Variants in ZNF10 observed in about 807,000 individuals in gnomAD.
ZNF10 encodes the protein zinc finger protein 10 (KOX 1).
A neutral mutation model predicts 12.2 loss-of-function variants in ZNF10; 8 were observed. That is an observed-to-expected ratio of 0.66 (90% confidence interval 0.39 to 1.18). The LOEUF is 1.18. Among genes scored for constraint, ZNF10 ranks in the 50% most tolerant of loss-of-function variants. The pLI, the probability that ZNF10 is intolerant of heterozygous loss-of-function variation, is 0.01. For missense variants in ZNF10, 603 were observed against 678.9 expected, an observed-to-expected ratio of 0.89 and a Z score of 1.24; for synonymous variants, 229 against 228.2, an observed-to-expected ratio of 1.00 and a Z score of -0.03.
At chr12:133,138,776 ACTC>A (rs1955927594) in intron 1 of ZNF10, among the ~76,000 whole-genome samples, 1 of 152,084 alleles carries the variant, frequency 6.6e-6, no homozygotes, top group African/African-American at 2.4e-5. Flanking sequence ...AATGGCTACT[ACTC>A]TGTTCTTAGC....
intron 1 of ZNF10, among the ~76,000 whole-genome samples, chr12:133,142,724 G>A (rs1171615284): frequency 2.0e-5 from 3 of 152,130 alleles, no homozygotes; most frequent in African/African-American, 7.2e-5. Context: ...AGAGAAATTA[G>A]AATATGCATA....
At chr12:133,147,608 GTT>G (rs149592494) in intron 2 of ZNF10, among the ~76,000 whole-genome samples, 4 of 117,098 alleles carry the variant, frequency 3.4e-5, no homozygotes, top group Admixed American at 9.2e-5. Context: ...TGTTTTCTGA[GTT>G]TTTTTTTTTT....
In ZNF10 at chr12:133,151,855, A is replaced by G. The variant is rs368710008; in HGVS notation, c.207A>G (p.Gly69=). The G allele has an allele frequency of 1.2e-5, 19 of 1,613,444 alleles. No individual in the cohort carries two copies. The highest frequency in any genetic ancestry group is 1.5e-5 in the Non-Finnish European group (18 of 1,179,688). Residue 69 remains glycine, a synonymous_variant, in exon 4 of 5, where the codon GGA becomes GGG. Transcript: ENST00000248211. ...ATGTGATCCTCCGGTTGGAGAAGGG[A>G]GAAGAGCCCTGGCTGGTGGAGAGAG... is the stretch of plus-strand genomic sequence containing the variant. ...KPDVILRLEK[G]EEPWLVEREI... is the part of the protein sequence containing the mutation.
intron 1 of ZNF10, among the ~76,000 whole-genome samples, chr12:133,136,191 C>A (rs775118486): frequency 6.6e-6 from 1 of 152,042 alleles, no homozygotes; most frequent in Non-Finnish European, 1.5e-5. Context: ...ATCCTTCCCC[C>A]CTTCTCTCTC....
rs772119707 is a variant in ZNF10 at position 133,156,325 on chromosome 12, A to G, written c.1079A>G (p.His360Arg). The G allele has an allele frequency of 1.9e-6, 3 of 1,614,144 alleles. No individual in the cohort carries two copies. Among genetic ancestry groups the G allele is most frequent in the South Asian group, 1.1e-5 (1 of 91,080 alleles). The change falls in exon 5 of 5, where the codon CAT becomes CGT. Residue 360 changes from histidine (H) to arginine (R), a missense_variant. Transcript: ENST00000248211. ...AATCAGTGTGGGAAATCTTTTGTTC[A>G]TAGCTCTAGGCTTATTAGACACCAG... ...TCNQCGKSFV[H>R]SSRLIRHQRT...
At chr12:133,142,925 C>G (rs1955954770) in intron 1 of ZNF10, among the ~76,000 whole-genome samples, 1 of 151,932 alleles carries the variant, frequency 6.6e-6, no homozygotes, top group Non-Finnish European at 1.5e-5. Context: ...TTCATAATAA[C>G]CAAAAGATGG....
Position 133,156,599 on chromosome 12 carries a change from TC to T in ZNF10, c.1354del (p.Gln452LysfsTer82). On this transcript the variant is annotated frameshift_variant, in exon 5 of 5. Coordinates refer to ENST00000248211, the MANE Select transcript of ZNF10 (RefSeq NM_015394.5). LOFTEE classifies it low-confidence loss of function (END_TRUNC). ...GTCGAAGCTCTCACCTTTATTCACA[TC>T]AAAGAACCCACACTGGAGAGAAACC... ...FSRSSHLYSHQRTHTGEKPYE... is the reference protein window; with the variant it reads ...FSRSSHLYSHXRTHTGEKPYE... The T allele has an allele frequency of 6.2e-7, 1 of 1,613,864 alleles. No individual in the cohort carries two copies. Among genetic ancestry groups the T allele is most frequent in the Non-Finnish European group, 8.5e-7 (1 of 1,179,970 alleles).
intron 2 of ZNF10, among the ~76,000 whole-genome samples, chr12:133,149,986 A>G (rs967564864): frequency 6.6e-6 from 1 of 152,196 alleles, no homozygotes; most frequent in African/African-American, 2.4e-5. Flanking sequence ...TAGAAGCCTT[A>G]CAACATGTGG....
chr12:133,155,752 A>G lies in ZNF10; in HGVS notation c.506A>G (p.Tyr169Cys). 1 of 1,612,980 alleles carries G rather than the reference A, an allele frequency of 6.2e-7. No homozygotes were observed. Among genetic ancestry groups the G allele is most frequent in the South Asian group, 1.1e-5 (1 of 90,798 alleles). ...GAGAGAGTCTCTGAAAGTGGTAAAT[A>G]TGGGGGAAACTGTCTTCTTCCTGCT... The part of the protein sequence containing the change: ...TQERVSESGK[Y>C]GGNCLLPAQL... The change falls in exon 5 of 5, where the codon TAT becomes TGT. Residue 169 changes from tyrosine (Y) to cysteine (C), a missense_variant. Transcript: ENST00000248211.
intron 1 of ZNF10, among the ~76,000 whole-genome samples, chr12:133,137,382 C>T (rs760278295): frequency 4.6e-5 from 7 of 152,210 alleles, no homozygotes; most frequent in Non-Finnish European, 1.5e-5. Context: ...CTAGATCTGG[C>T]TTTGCACACC....
chr12:133,148,408 A>G (rs1049703568), intron 2 of ZNF10, among the ~76,000 whole-genome samples: 2 of 152,232 alleles, frequency 1.3e-5, no homozygotes, highest in African/African-American at 4.8e-5. Flanking sequence ...GGCGTGAGCC[A>G]CCATGCCTGA....
At chr12:133,150,953 T>C in intron 2 of ZNF10, 75 bp from the exon 3 acceptor site, 1 of 1,535,424 alleles carries the variant, frequency 6.5e-7, no homozygotes, top group Non-Finnish European at 8.8e-7. Flanking sequence ...TTAATTTCTC[T>C]TCCTGTTAGC....
intron 2 of ZNF10, among the ~76,000 whole-genome samples, chr12:133,148,878 G>A (rs918450371): frequency 1.3e-5 from 2 of 148,636 alleles, no homozygotes; most frequent in Admixed American, 6.8e-5. Context: ...TCAGCCTCCC[G>A]AGTAGCTGAG....
Position 133,156,620 on chromosome 12 carries a change from G to A in ZNF10, c.1374G>A (p.Glu458=). 1.2e-6 allele frequency: 2 copies of A among 1,614,086 alleles called. No individual in the cohort carries two copies. The highest frequency in any genetic ancestry group is 1.7e-6 in the Non-Finnish European group (2 of 1,180,010). The change falls in exon 5 of 5, where the codon GAG becomes GAA. Residue 458 remains glutamate (E), a synonymous_variant. Coordinates refer to ENST00000248211, the MANE Select transcript of ZNF10 (RefSeq NM_015394.5). ...CACATCAAAGAACCCACACTGGAGA[G>A]AAACCATATGAGTGTCATGATTGTG... ...LYSHQRTHTG[E]KPYECHDCGK... is the part of the protein sequence containing the mutation.
chr12:133,155,975 T>C lies in ZNF10; in HGVS notation c.729T>C (p.Asn243=), dbSNP rs1956037843. 6.2e-7 allele frequency: 1 copy of C among 1,614,030 alleles called. No individual in the cohort carries two copies. The highest frequency in any genetic ancestry group is 8.5e-7 in the Non-Finnish European group (1 of 1,180,010). ...ATAAATCCTACAAATGCCCTGATAATGACAACTCTCTTACTCATGGTTCAT... is the reference window on the plus strand; with the variant it reads ...ATAAATCCTACAAATGCCCTGATAACGACAACTCTCTTACTCATGGTTCAT... ...TGDKSYKCPD[N]DNSLTHGSSL... is the part of the protein sequence containing the mutation. Residue 243 remains asparagine, a synonymous_variant, in exon 5 of 5, where the codon AAT becomes AAC. Transcript: ENST00000248211.
intron 1 of ZNF10, among the ~76,000 whole-genome samples, chr12:133,137,306 T>G (rs890284029): frequency 2.6e-5 from 4 of 152,214 alleles, no homozygotes; most frequent in Non-Finnish European, 4.4e-5. Context: ...TAATATTGTT[T>G]CCTGGCTTAC....
At chr12:133,141,381 G>A (rs570838424) in intron 1 of ZNF10, among the ~76,000 whole-genome samples, 19 of 152,068 alleles carry the variant, frequency 1.2e-4, no homozygotes, top group African/African-American at 4.3e-4. Context: ...TAGTGAGGAC[G>A]GTAATAATGA....
intron 1 of ZNF10, among the ~76,000 whole-genome samples, chr12:133,135,473 T>C (rs1393805517): frequency 6.6e-6 from 1 of 152,176 alleles, no homozygotes; most frequent in African/African-American, 2.4e-5. Context: ...CAGGACTTCG[T>C]TATATGAGCT....
chr12:133,139,090 T>C (rs371407125), intron 1 of ZNF10: 40 of 152,366 alleles, frequency 2.6e-4, no homozygotes, highest in African/African-American at 6.7e-4. Context: ...GACAGAGACC[T>C]GTACCTGATG....
Sources: gnomAD v4.1 joint callset for allele counts (sites outside exome capture counted in the v4.1 genomes callset) on GRCh38, gnomAD v4.1.1 for gene constraint, MANE v1.5 for transcripts, NCBI Gene and HGNC (gene_info 2026-07-23, HGNC 2026-07-21) for gene names.